The following TGIF1 variants were observed in gnomAD, a reference collection of about 807,000 sequenced individuals.
The protein encoded by TGIF1 is homeobox protein TGIF1.
A neutral mutation model predicts 19.3 loss-of-function variants in TGIF1; 4 were observed. The observed-to-expected ratio is 0.21, with a 90% CI of 0.10 to 0.47. The LOEUF (loss-of-function observed/expected upper bound fraction) is 0.47, where lower values mean the gene tolerates loss of function less well. Among genes scored for constraint, TGIF1 ranks in the 20% least tolerant of loss-of-function variants. TGIF1 has a pLI of 0.98. For synonymous variants in TGIF1, 122 were observed against 129.3 expected (o/e 0.94, Z 0.38); for missense variants, 275 against 341.4 (o/e 0.81, Z 1.53).
upstream of TGIF1, chr18:3,448,685 C>G: frequency 5.6e-6 from 5 of 895,666 alleles, no homozygotes; most frequent in Non-Finnish European, 6.6e-6. Context: ...TTTTTAAACT[C>G]TGGCCTCCAC....
chr18:3,416,133 A>G (rs1441169463), intron 1 of TGIF1, among the ~76,000 whole-genome samples: 1 of 152,262 alleles, frequency 6.6e-6, no homozygotes, highest in Non-Finnish European at 1.5e-5. Context: ...CTTCTTGTAC[A>G]TGAATCTTCT....
intron 2 of TGIF1, chr18:3,418,221 T>C (rs11571507): frequency 0.038 from 5,754 of 152,206 alleles, 128 homozygotes; most frequent in Non-Finnish European, 0.045. Flanking sequence ...CCAAGGTAAG[T>C]AGATATTTCT....
At chr18:3,439,633 G>A (rs2082658143) in intron 2 of TGIF1, among the ~76,000 whole-genome samples, 1 of 152,038 alleles carries the variant, frequency 6.6e-6, no homozygotes, top group Admixed American at 6.5e-5. Flanking sequence ...ATGAGCCATC[G>A]TGCCCAGCTC....
rs888398986 is a variant in TGIF1, at chr18:3,450,395, T to G, written c.-95T>G. The stretch of plus-strand genomic sequence containing the variant: ...GCACGTCCTACAAGTTACGGGAGAG[T>G]CGGCTGTGAAGGAGACGTTCGCTTA... On this transcript the variant is annotated 5_prime_UTR_variant, in exon 1 of 3. Coordinates refer to ENST00000343820, the MANE Select transcript of TGIF1 (RefSeq NM_003244.4). 6.5e-7 allele frequency: 1 copy of G among 1,544,236 alleles called. No individual in the cohort carries two copies. Among genetic ancestry groups the G allele is most frequent in the South Asian group, 1.2e-5 (1 of 83,428 alleles).
intron 2 of TGIF1, among the ~76,000 whole-genome samples, chr18:3,432,863 A>G (rs1598870937): frequency 6.6e-6 from 1 of 151,864 alleles, no homozygotes; most frequent in Non-Finnish European, 1.5e-5. Context: ...GGGTTCAAGC[A>G]ATTCTCCTGC....
chr18:3,456,778 A>G lies in TGIF1; in HGVS notation c.243+198A>G, dbSNP rs570516418. 2.3e-5 allele frequency: 16 copies of G among 686,498 alleles called. No individual in the cohort carries two copies. The East Asian group carries it at 4.3e-4, about 18-fold the overall frequency. The allele number at this position is 686,498 out of a possible 1,614,324, so 42.5% of individuals were successfully genotyped here. ...GAAACACTTGACAGTCATCTATCAG[A>G]TAGCATTTCCTTTAATGCCTAAAAG... On this transcript the variant is annotated intron_variant, in intron 2 of 2. Coordinates refer to ENST00000343820, the MANE Select transcript of TGIF1 (RefSeq NM_003244.4). The surrounding 1 kb of genome is among the most constrained non-coding windows in gnomAD (Gnocchi z 4.2).
At chr18:3,449,900 G>C, upstream of TGIF1, 1 of 985,896 alleles carries the variant, frequency 1.0e-6, no homozygotes, top group Non-Finnish European at 1.2e-6. Context: ...GGAGAAACCT[G>C]GGGCGCTCGG....
chr18:3,435,117 A>G (rs932946307), intron 2 of TGIF1, among the ~76,000 whole-genome samples: 1 of 152,202 alleles, frequency 6.6e-6, no homozygotes, highest in African/African-American at 2.4e-5. Context: ...TTAAAAACTT[A>G]AAGTACCAAG....
intron 1 of TGIF1, chr18:3,452,272 T>TG: frequency 6.2e-7 from 1 of 1,610,346 alleles, no homozygotes; most frequent in Non-Finnish European, 8.5e-7. Flanking sequence ...TCCCCGGAGC[T>TG]GGGGACCAAG....
At chr18:3,455,955 C>T (rs2049337717) in intron 1 of TGIF1, 2 of 328,718 alleles carry the variant, frequency 6.1e-6, no homozygotes, top group South Asian at 5.3e-5. Context: ...CTAGTTAGCA[C>T]TGATCTTAGA....
chr18:3,431,262 C>T (rs947510948), intron 2 of TGIF1, among the ~76,000 whole-genome samples: 18 of 152,108 alleles, frequency 1.2e-4, no homozygotes, highest in Non-Finnish European at 2.1e-4. Context: ...GCCTGACCAA[C>T]ATAGTGAAAC....
At chr18:3,450,545 TC>T in intron 1 of TGIF1, 40 bp downstream of exon 1, 1 of 1,554,788 alleles carries the variant, frequency 6.4e-7, no homozygotes, top group Non-Finnish European at 8.7e-7. Flanking sequence ...AAGACGCGAG[TC>T]CGGGGAAACG....
intron 2 of TGIF1, among the ~76,000 whole-genome samples, chr18:3,427,288 C>G (rs1340469360): frequency 6.8e-6 from 1 of 148,080 alleles, no homozygotes; most frequent in East Asian, 2.0e-4. Flanking sequence ...AGAATACATT[C>G]TCCCTTTTTT....
Position 3,456,266 on chromosome 18 carries a change from G to A in TGIF1, c.17-88G>A. 2 of 1,240,864 alleles carry A rather than the reference G, an allele frequency of 1.6e-6. No homozygotes were observed. The highest frequency in any genetic ancestry group is 2.4e-5 in the South Asian group (2 of 83,034). 76.9% of individuals were successfully genotyped at this position (1,240,864 alleles called of 1,614,324 possible). ...CGCTCTCAGTTGTTGGGAAAGCATGGTTACATTGAATGGTCAGCGTTAAGT... is the reference window on the plus strand; with the variant it reads ...CGCTCTCAGTTGTTGGGAAAGCATGATTACATTGAATGGTCAGCGTTAAGT... On this transcript the variant is annotated intron_variant, in intron 1 of 2. Coordinates refer to ENST00000343820, the MANE Select transcript of TGIF1 (RefSeq NM_003244.4). The surrounding 1 kb of genome is among the most constrained non-coding windows in gnomAD (Gnocchi z 4.2).
At chr18:3,445,106 T>C (rs949955164) in intron 2 of TGIF1, among the ~76,000 whole-genome samples, 2 of 152,112 alleles carry the variant, frequency 1.3e-5, no homozygotes, top group Admixed American at 6.5e-5. Context: ...CAAACGTCAA[T>C]AGGGCTGTGG....
chr18:3,450,696 G>T (rs901002378), intron 1 of TGIF1, among the ~76,000 whole-genome samples, 191 bp downstream of exon 1: 1 of 152,226 alleles, frequency 6.6e-6, no homozygotes, highest in African/African-American at 2.4e-5. Context: ...CACAACACGA[G>T]GGGCTGTTGT....
chr18:3,455,863 C>T (rs751776854), intron 1 of TGIF1: 18 of 181,216 alleles, frequency 9.9e-5, no homozygotes, highest in African/African-American at 1.4e-4. Flanking sequence ...TACGAGTGCT[C>T]CCTTTCATTT....
chr18:3,457,780 G>C lies in TGIF1; in HGVS notation c.659G>C (p.Cys220Ser). The change falls in exon 3 of 3, where the codon TGT becomes TCT. Residue 220 changes from cysteine to serine, a missense_variant. Physicochemically the swap from Cys to Ser is moderately radical, Grantham distance 112. Coordinates refer to ENST00000343820, the MANE Select transcript of TGIF1 (RefSeq NM_003244.4). The surrounding 1 kb of genome is among the most constrained non-coding windows in gnomAD (Gnocchi z 4.9). Reference sequence around the variant, plus strand: ...TCTCTCATGTACCCAGAGGACACTTGTAAATCTGGACCAAGTACGAATACA... The same window carrying C: ...TCTCTCATGTACCCAGAGGACACTTCTAAATCTGGACCAAGTACGAATACA... ...DTSLMYPEDT[C>S]KSGPSTNTQS... 6.2e-7 allele frequency: 1 copy of C among 1,614,084 alleles called. No individual in the cohort carries two copies. Among genetic ancestry groups the C allele is most frequent in the Non-Finnish European group, 8.5e-7 (1 of 1,180,038 alleles).
chr18:3,450,571 C>A, intron 1 of TGIF1, 66 bp downstream of exon 1: 3 of 1,549,372 alleles, frequency 1.9e-6, no homozygotes, highest in Non-Finnish European at 2.6e-6. Flanking sequence ...GGCCGGGCCG[C>A]GCCGCGCGGA....
Sources: allele counts gnomAD v4.1 joint callset (sites outside exome capture counted in the v4.1 genomes callset), GRCh38; gene constraint gnomAD v4.1.1; non-coding constraint Gnocchi (gnomAD v3.1); transcripts MANE v1.5; gene names NCBI Gene and HGNC (gene_info 2026-07-23, HGNC 2026-07-21).